AQR: variants seen among roughly 807,000 people sequenced by gnomAD.
AQR encodes RNA helicase aquarius.
Under a neutral mutation model 180.5 loss-of-function variants are expected in AQR, and 61 were observed. That is an observed-to-expected ratio of 0.34 (90% CI 0.28 to 0.42). The LOEUF is 0.42. Ranked by LOEUF, AQR falls within the 10% of genes least tolerant of loss-of-function variation. The pLI is 1.00. For missense variants in AQR, 1,281 were observed against 1,798.3 expected, an observed-to-expected ratio of 0.71 and a Z score of 5.20; for synonymous variants, 551 against 588.8, an observed-to-expected ratio of 0.94 and a Z score of 0.93.
rs1039772364 is a variant in AQR, at chr15:34,904,245, A to G, written c.2001+91T>C. The G allele has an allele frequency of 3.2e-6, 3 of 931,652 alleles. No homozygotes were observed. In the African/African-American group the frequency reaches 5.2e-5, roughly 16 times the overall value. 57.7% of individuals were successfully genotyped at this position (931,652 alleles called of 1,614,324 possible). On this transcript the variant is annotated intron_variant, in intron 19 of 34. Transcript: ENST00000156471. ...AGCAGTCATTATTTTTTTCTTAACAAATCTTCCTCTAACCAAATATCTCTG... is the reference window on the plus strand; with the variant it reads ...AGCAGTCATTATTTTTTTCTTAACAGATCTTCCTCTAACCAAATATCTCTG...
chr15:34,969,614 G>A lies in AQR; in HGVS notation c.-1C>T, dbSNP rs930954599. ...TCTTGGGCTGCGCAGGGGCTGCCAT[G>A]GCAGCACTCTTCCCTCCACTCCAGT... On this transcript the variant is annotated 5_prime_UTR_variant, in exon 1 of 35. Transcript: ENST00000156471. The A allele has an allele frequency of 5.6e-6, 9 of 1,612,888 alleles. No individual in the cohort carries two copies. In the African/African-American group the frequency reaches 1.2e-4, roughly 22 times the overall value.
Position 34,884,535 on chromosome 15 carries a change from G to T in AQR, c.3017C>A (p.Thr1006Lys). The T allele has an allele frequency of 6.3e-7, 1 of 1,588,966 alleles. No individual in the cohort carries two copies. Residue 1006 changes from threonine (T) to lysine (K), a missense_variant, in exon 26 of 35, where the codon ACG becomes AAG. By Grantham distance (78) the Thr-to-Lys change is moderately conservative. This residue lies in a region of AQR where 125 missense variants were observed against 185.0 expected (regional missense o/e 0.68). Transcript: ENST00000156471. ...CTTGAGAATCCTTACCTCAAGCTGC[G>T]TAAAGATTTTCTTAATATGCCTGAA... ...GCFRHIKKIF[T>K]QLEEFRASEL...
At chr15:34,896,485 G>A (rs1410389149) in intron 22 of AQR, among the ~76,000 whole-genome samples, 1 of 150,142 alleles carries the variant, frequency 6.7e-6, no homozygotes, top group Admixed American at 6.6e-5. Flanking sequence ...CGGGGTTGCT[G>A]TACTTGAAAT....
At chr15:34,897,989 T>C (rs1893274631) in intron 20 of AQR, among the ~76,000 whole-genome samples, 1 of 152,240 alleles carries the variant, frequency 6.6e-6, no homozygotes, top group African/African-American at 2.4e-5. Context: ...TTTTATTCAT[T>C]GTCTGTCCTT....
chr15:34,960,007 C>T (rs1358838682), intron 3 of AQR, among the ~76,000 whole-genome samples: 2 of 152,176 alleles, frequency 1.3e-5, no homozygotes, highest in Non-Finnish European at 2.9e-5. Flanking sequence ...AACCCAAATT[C>T]TCTTTTTCAA....
chr15:34,915,711 C>T (rs1181392938), intron 15 of AQR, among the ~76,000 whole-genome samples: 2 of 151,600 alleles, frequency 1.3e-5, no homozygotes, highest in Admixed American at 6.6e-5. Flanking sequence ...TTTGGGAAGC[C>T]GAGGCCGGTG....
intron 8 of AQR, 31 bp downstream of exon 8, chr15:34,940,868 G>C (rs779477703): frequency 2.0e-6 from 3 of 1,518,608 alleles, no homozygotes; most frequent in Non-Finnish European, 2.7e-6. Flanking sequence ...AGCATAATAA[G>C]CCAACATGAA....
intron 33 of AQR, among the ~76,000 whole-genome samples, chr15:34,861,718 A>G (rs1892673219): frequency 2.0e-5 from 3 of 152,160 alleles, no homozygotes; most frequent in Non-Finnish European, 2.9e-5. Context: ...TGAGCCTGAC[A>G]CTTGAGGCTT....
At chr15:34,893,797 C>A (rs2140472870) in intron 22 of AQR, 24 bp from the exon 23 acceptor site, 2 of 1,587,418 alleles carry the variant, frequency 1.3e-6, no homozygotes, top group South Asian at 1.1e-5. Flanking sequence ...GAACACATAG[C>A]AAACTACTAA....
chr15:34,881,195 T>A (rs1892967979), intron 27 of AQR, among the ~76,000 whole-genome samples: 1 of 152,178 alleles, frequency 6.6e-6, no homozygotes, highest in African/African-American at 2.4e-5. Context: ...AACAAAACAT[T>A]TAGGTGAAAA....
Position 34,860,169 on chromosome 15 carries a change from A to G in AQR, c.4030-14T>C. On this transcript the variant is annotated splice_polypyrimidine_tract_variant and intron_variant, in intron 33 of 34. Transcript: ENST00000156471. ...TCTCTCTCCATTCTAGAAGAAGGAA[A>G]AAAGAACGTTAAGTATCTAGTAAAA... 1 of 1,407,018 alleles carries G rather than the reference A, an allele frequency of 7.1e-7. No homozygotes were observed. Among genetic ancestry groups the G allele is most frequent in the Non-Finnish European group, 9.6e-7 (1 of 1,038,594 alleles). The allele number at this position is 1,407,018 out of a possible 1,614,324, so 87.2% of individuals were successfully genotyped here. A position where few individuals can be genotyped will look rare whatever the true frequency, so the allele number is the denominator to read the frequency against.
chr15:34,851,920 T>C lies in AQR; in HGVS notation c.*4872A>G, dbSNP rs557607231. 2 of 152,340 alleles carry C rather than the reference T, an allele frequency of 1.3e-5. No individual in the cohort carries two copies. Among genetic ancestry groups the C allele is most frequent in the African/African-American group, 2.4e-5 (1 of 41,580 alleles). 9.4% of individuals were successfully genotyped at this position (152,340 alleles called of 1,614,324 possible). A position where few individuals can be genotyped will look rare whatever the true frequency, so the allele number is the denominator to read the frequency against. On this transcript the variant is annotated 3_prime_UTR_variant, in exon 35 of 35. Transcript: ENST00000156471. ...AGGAGGCTCACATGAAGGAATGTCA[T>C]GGTACATTGACCAAACTTTTATTCA...
At chr15:34,890,416 C>T in intron 23 of AQR, 92 bp from the exon 24 acceptor site, 4 of 1,048,552 alleles carry the variant, frequency 3.8e-6, no homozygotes, top group Non-Finnish European at 5.8e-6. Context: ...AGAAGGAAAT[C>T]AGCCTTATAT....
At chr15:34,900,420 C>T (rs78683385) in intron 20 of AQR, among the ~76,000 whole-genome samples, 2,738 of 152,188 alleles carry the variant, frequency 0.018, 75 homozygotes, top group African/African-American at 0.058. Context: ...ACTACTTTTA[C>T]TGTGGTCTTA....
intron 22 of AQR, among the ~76,000 whole-genome samples, chr15:34,894,702 A>AT (rs1223183532): frequency 6.6e-6 from 1 of 152,174 alleles, no homozygotes; most frequent in African/African-American, 2.4e-5. Flanking sequence ...ACATAAAACA[A>AT]CTACAATACA....
chr15:34,929,492 T>C (rs1229637472), intron 12 of AQR, among the ~76,000 whole-genome samples: 4 of 152,202 alleles, frequency 2.6e-5, no homozygotes, highest in Non-Finnish European at 4.4e-5. Context: ...AAAGATCAGA[T>C]GGTTGCAGAT....
At chr15:34,926,738 T>C (rs575702792) in intron 13 of AQR, among the ~76,000 whole-genome samples, 3 of 152,354 alleles carry the variant, frequency 2.0e-5, no homozygotes, top group Admixed American at 2.0e-4. Context: ...TTTATTGGTT[T>C]TTGTCATATG....
chr15:34,944,438 AAC>A lies in AQR; in HGVS notation c.331-12_331-11del, dbSNP rs754795322. The A allele has an allele frequency of 6.3e-7, 1 of 1,589,830 alleles. No homozygotes were observed. Among genetic ancestry groups the A allele is most frequent in the South Asian group, 1.2e-5 (1 of 85,962 alleles). Reference sequence around the variant, plus strand: ...GCTTCTTCTTAAAAATCTGAAAAGAAACAGAATAAAATTCATTTTGTATTGGC... The same window carrying A: ...GCTTCTTCTTAAAAATCTGAAAAGAAAGAATAAAATTCATTTTGTATTGGC... On this transcript the variant is annotated splice_polypyrimidine_tract_variant and intron_variant, in intron 5 of 34. Transcript: ENST00000156471.
At chr15:34,872,431 G>GA (rs1426830025) in intron 30 of AQR, among the ~76,000 whole-genome samples, 1 of 151,960 alleles carries the variant, frequency 6.6e-6, no homozygotes, top group Non-Finnish European at 1.5e-5. Context: ...TAATGAATAA[G>GA]AAAAACAGGT....
Sources: allele counts gnomAD v4.1 joint callset (sites outside exome capture counted in the v4.1 genomes callset), GRCh38; gene constraint gnomAD v4.1.1; regional missense constraint gnomAD v4.1.1; transcripts MANE v1.5; gene names NCBI Gene and HGNC (gene_info 2026-07-23, HGNC 2026-07-21).